The following NTSR2 variants were observed in gnomAD, a reference collection of about 807,000 sequenced individuals.
NTSR2 encodes the protein neurotensin receptor 2, also known as neurotensin receptor type 2.
Under a neutral mutation model 24.1 loss-of-function variants are expected in NTSR2, and 22 were observed. The ratio of observed to expected loss-of-function variants is 0.91; its 90% CI spans 0.65 to 1.30. The LOEUF (loss-of-function observed/expected upper bound fraction) is 1.30. NTSR2 is among the 50% of genes most tolerant of loss of function. The pLI is 0.00. For missense variants in NTSR2, 570 were observed against 570.4 expected (o/e 1.00, Z 0.01); for synonymous variants, 291 against 267.0 (o/e 1.09, Z -0.88).
chr2:11,662,290 C>A, intron 1 of NTSR2, 50 bp from the exon 2 acceptor site: 1 of 1,436,780 alleles, frequency 7.0e-7, no homozygotes. Flanking sequence ...GCCCTGCGGC[C>A]CTCGCCATCT....
chr2:11,658,664 T>G lies in NTSR2; in HGVS notation c.1048A>C (p.Ser350Arg). 6.2e-7 allele frequency: 1 copy of G among 1,614,104 alleles called. No individual in the cohort carries two copies. The highest frequency in any genetic ancestry group is 8.5e-7 in the Non-Finnish European group (1 of 1,180,010). ...TAGAGAAGAGGAGTCACAGCTGAGC[T>G]GACGTAGAAAAGTGTGTTGGTCACC... is the stretch of plus-strand genomic sequence containing the variant. The part of the protein sequence containing the change: ...YMVTNTLFYV[S>R]SAVTPLLYNA... Residue 350 changes from serine to arginine, a missense_variant, in exon 4 of 4, where the codon AGC becomes CGC. By Grantham distance (110) the Ser-to-Arg change is moderately radical (BLOSUM62 -1). Coordinates refer to ENST00000306928, the MANE Select transcript of NTSR2 (RefSeq NM_012344.4).
At chr2:11,663,521 CTA>C (rs1328458789) in intron 1 of NTSR2, among the ~76,000 whole-genome samples, 1 of 152,044 alleles carries the variant, frequency 6.6e-6, no homozygotes, top group Non-Finnish European at 1.5e-5. Flanking sequence ...ACTTAAAAAA[CTA>C]TGCAAATGAA....
chr2:11,669,460 G>GGGGGGGGGGGGGGGGGGGCC, intron 1 of NTSR2, 46 bp downstream of exon 1: 6 of 254,724 alleles, frequency 2.4e-5, no homozygotes, highest in African/African-American at 3.1e-5. Flanking sequence ...TCCCAGCACC[G>GGGGGGGGGGGGGGGGGGGCC]CCCCCCCACC....
chr2:11,669,460 G>GGGGGGGGGGGCCCCCCCC, intron 1 of NTSR2, 46 bp downstream of exon 1: 2 of 254,722 alleles, frequency 7.9e-6, no homozygotes, highest in Non-Finnish European at 6.9e-6. Context: ...TCCCAGCACC[G>GGGGGGGGGGGCCCCCCCC]CCCCCCCACC....
At position 11,659,626 on chromosome 2, in the gene NTSR2, G is replaced by A. The variant is rs183612976; in HGVS notation, c.989+417C>T. On this transcript the variant is annotated intron_variant, in intron 3 of 3. Coordinates refer to ENST00000306928, the MANE Select transcript of NTSR2 (RefSeq NM_012344.4). ...CATCTTCTCCAACCATGTCATAAAA[G>A]GGGGTGCATGTCTTGGTCTCTGCCA... Among the ~76,000 whole-genome samples, 51 of 152,322 alleles carry A rather than the reference G, an allele frequency of 3.3e-4. 1 individual carries two copies. Among genetic ancestry groups the A allele is most frequent in the African/African-American group, 4.3e-4 (18 of 41,568 alleles).
chr2:11,658,757 C>T, intron 3 of NTSR2, 35 bp from the exon 4 acceptor site: 1 of 1,606,614 alleles, frequency 6.2e-7, no homozygotes, highest in Non-Finnish European at 8.5e-7. Flanking sequence ...GTTAGAGGAC[C>T]TGTCACCTCC....
rs908114415 is a variant in NTSR2, at chr2:11,670,108, G to T, written c.22C>A (p.Pro8Thr). ...CCCGGGTTGGAGCTGGGCCGCGGGG[G>T]CCGCGGGCTGCTGGTTTCCATCCCG... METSSPR[P>T]PRPSSNPGLS... is the part of the protein sequence containing the mutation. Residue 8 changes from proline (P) to threonine (T), a missense_variant, in exon 1 of 4, where the codon CCC becomes ACC. Pro to Thr is a conservative substitution (Grantham distance 38). Transcript: ENST00000306928. 1 of 1,388,064 alleles carries T rather than the reference G, an allele frequency of 7.2e-7. No individual in the cohort carries two copies. The allele number at this position is 1,388,064 out of a possible 1,614,324, so 86.0% of individuals were successfully genotyped here.
chr2:11,662,670 A>G (rs1381889859), intron 1 of NTSR2, among the ~76,000 whole-genome samples: 1 of 152,098 alleles, frequency 6.6e-6, no homozygotes, highest in Non-Finnish European at 1.5e-5. Flanking sequence ...AGTCCCAGCT[A>G]CTCGGGAGGC....
Position 11,669,872 on chromosome 2 carries a change from G to T in NTSR2, c.258C>A (p.Gly86=). 1 of 1,585,508 alleles carries T rather than the reference G, an allele frequency of 6.3e-7. No individual in the cohort carries two copies. Among genetic ancestry groups the T allele is most frequent in the Admixed American group, 1.7e-5 (1 of 57,806 alleles). The change falls in exon 1 of 4, where the codon GGC becomes GGA. Residue 86 remains glycine, a synonymous_variant. Coordinates refer to ENST00000306928, the MANE Select transcript of NTSR2 (RefSeq NM_012344.4). Reference sequence around the variant, plus strand: ...CGAAGCTGTAGAGCTCCACCGGCACGCCGACCAGCAGCAGCAGCAGGCCCG... The same window carrying T: ...CGAAGCTGTAGAGCTCCACCGGCACTCCGACCAGCAGCAGCAGCAGGCCCG... The part of the protein sequence containing the change: ...ALAGLLLLLV[G]VPVELYSFVW...
rs1210535282 is a variant in NTSR2, at chr2:11,669,674, G to C, written c.456C>G (p.Thr152=). Reference sequence around the variant, plus strand: ...CCCACGAGAGCGCCACCAGCCACCGGGTCCGGCGTGGCGTCAGCAGGCTGC... The same window carrying C: ...CCCACGAGAGCGCCACCAGCCACCGCGTCCGGCGTGGCGTCAGCAGGCTGC... ...RARSLLTPRR[T]RWLVALSWAA... The change falls in exon 1 of 4, where the codon ACC becomes ACG. Residue 152 remains threonine (T), a synonymous_variant. Coordinates refer to ENST00000306928, the MANE Select transcript of NTSR2 (RefSeq NM_012344.4). 4 of 1,538,334 alleles carry C rather than the reference G, an allele frequency of 2.6e-6. No homozygotes were observed. The highest frequency in any genetic ancestry group is 2.4e-5 in the South Asian group (2 of 84,050).
Position 11,662,071 on chromosome 2 carries a change from A to G in NTSR2, c.794T>C (p.Phe265Ser). 3 of 1,613,654 alleles carry G rather than the reference A, an allele frequency of 1.9e-6. No individual in the cohort carries two copies. The highest frequency in any genetic ancestry group is 2.5e-6 in the Non-Finnish European group (3 of 1,179,900). The change falls in exon 2 of 4, where the codon TTC becomes TCC. Residue 265 changes from phenylalanine to serine, a missense_variant. Phe to Ser is a radical substitution (Grantham distance 155). Coordinates refer to ENST00000306928, the MANE Select transcript of NTSR2 (RefSeq NM_012344.4). Reference protein sequence around the residue: ...ELLSEEGLLSFIVWKKTFIQG... With the variant: ...ELLSEEGLLSSIVWKKTFIQG... ...GATAAAGGTCTTCTTCCATACGATG[A>G]AGCTGAGGAGACCCTCCTCACTCAG... is the stretch of plus-strand genomic sequence containing the variant.
intron 1 of NTSR2, 60 bp downstream of exon 1, chr2:11,669,446 C>G: frequency 2.1e-6 from 1 of 483,430 alleles, no homozygotes; most frequent in East Asian, 3.6e-5. Context: ...AGGGGGTTCC[C>G]TCCTCCCAGC....
At chr2:11,667,083 C>A (rs967626779) in intron 1 of NTSR2, among the ~76,000 whole-genome samples, 22 of 152,188 alleles carry the variant, frequency 1.4e-4, no homozygotes, top group Non-Finnish European at 2.6e-4. Flanking sequence ...GGCATGTGAA[C>A]GCTACCCACA....
At position 11,658,376 on chromosome 2, in the gene NTSR2, TG is replaced by T; in HGVS notation, c.*102del. ...GAGCAGGGGTTGATAGAAGTCGCCCTGGCTGCGAAGCTTGAATGATTAGTGA... is the reference window on the plus strand; with the variant it reads ...GAGCAGGGGTTGATAGAAGTCGCCCTGCTGCGAAGCTTGAATGATTAGTGA... On this transcript the variant is annotated 3_prime_UTR_variant, in exon 4 of 4. Coordinates refer to ENST00000306928, the MANE Select transcript of NTSR2 (RefSeq NM_012344.4). The T allele has an allele frequency of 1.3e-6, 2 of 1,482,048 alleles. No homozygotes were observed. The highest frequency in any genetic ancestry group is 1.4e-5 in the South Asian group (1 of 72,950). The allele number at this position is 1,482,048 out of a possible 1,614,324, so 91.8% of individuals were successfully genotyped here. A position where few individuals can be genotyped will look rare whatever the true frequency, so the allele number is the denominator to read the frequency against.
At chr2:11,667,978 G>A (rs1661239695) in intron 1 of NTSR2, among the ~76,000 whole-genome samples, 1 of 152,218 alleles carries the variant, frequency 6.6e-6, no homozygotes, top group African/African-American at 2.4e-5. Context: ...AGAAGGCCCT[G>A]TTGCCAGGAC....
rs1572272472 is a variant in NTSR2 at position 11,670,096 on chromosome 2, T to C, written c.34A>G (p.Ser12Gly). The C allele has an allele frequency of 2.1e-6, 3 of 1,409,010 alleles. No individual in the cohort carries two copies. Among genetic ancestry groups the C allele is most frequent in the East Asian group, 2.8e-5 (1 of 35,650 alleles). 87.3% of individuals were successfully genotyped at this position (1,409,010 alleles called of 1,614,324 possible). Residue 12 changes from serine to glycine, a missense_variant, in exon 1 of 4, where the codon AGC becomes GGC. Transcript: ENST00000306928. ...TCCAGGCTCAGCCCCGGGTTGGAGC[T>C]GGGCCGCGGGGGCCGCGGGCTGCTG... ...ETSSPRPPRPSSNPGLSLDAR... is the reference protein window; with the variant it reads ...ETSSPRPPRPGSNPGLSLDAR...
chr2:11,666,397 C>T (rs1469138105), intron 1 of NTSR2, among the ~76,000 whole-genome samples: 1 of 151,978 alleles, frequency 6.6e-6, no homozygotes, highest in African/African-American at 2.4e-5. Flanking sequence ...AAATAAAAAA[C>T]AACGAACAAA....
chr2:11,662,349 G>C, intron 1 of NTSR2, 109 bp from the exon 2 acceptor site: 1 of 1,087,858 alleles, frequency 9.2e-7, no homozygotes, highest in East Asian at 2.7e-5. Flanking sequence ...AGCGGCAGAA[G>C]GGTTAGAAGA....
intron 1 of NTSR2, among the ~76,000 whole-genome samples, chr2:11,663,838 A>T (rs1005103904): frequency 8.5e-5 from 13 of 152,298 alleles, no homozygotes; most frequent in African/African-American, 3.1e-4. Context: ...CTTTAGAAAT[A>T]TGGAGGCAAA....
Sources: gnomAD v4.1 joint callset for allele counts (sites outside exome capture counted in the v4.1 genomes callset) on GRCh38, gnomAD v4.1.1 for gene constraint, MANE v1.5 for transcripts, NCBI Gene and HGNC (gene_info 2026-07-23, HGNC 2026-07-21) for gene names.